Variants in BANK1 observed in about 807,000 individuals in gnomAD.
BANK1 encodes B-cell scaffold protein with ankyrin repeats.
In BANK1, 95 loss-of-function variants were observed where a neutral mutation model predicts 94.5. The ratio of observed to expected loss-of-function variants is 1.00; its 90% CI spans 0.85 to 1.19. The LOEUF (loss-of-function observed/expected upper bound fraction) is 1.19. Ranked by LOEUF, BANK1 falls within the 50% of genes most tolerant of loss-of-function variation. The pLI is 0.00. For missense variants in BANK1, 987 were observed against 932.2 expected (o/e 1.06, Z -0.77); for synonymous variants, 334 against 308.4 (o/e 1.08, Z -0.87).
At chr4:101,828,383 T>TTATATATATATATATATA (rs60877981) in intron 1 of BANK1, among the ~76,000 whole-genome samples, 63 of 142,160 alleles carry the variant, frequency 4.4e-4, no homozygotes, top group African/African-American at 1.6e-3. Flanking sequence ...ATGAGTGAAT[T>TTATATATATATATATATA]TATATATATA....
At chr4:101,999,862 A>C (rs1348830595) in intron 7 of BANK1, among the ~76,000 whole-genome samples, 1 of 152,232 alleles carries the variant, frequency 6.6e-6, no homozygotes, top group Non-Finnish European at 1.5e-5. Context: ...GCATGTACAA[A>C]GACCCAGAAG....
intron 2 of BANK1, among the ~76,000 whole-genome samples, chr4:101,850,990 G>A (rs1727453766): frequency 6.6e-6 from 1 of 152,010 alleles, no homozygotes; most frequent in Non-Finnish European, 1.5e-5. Context: ...AGCCTACAAT[G>A]GCCTCCAAGT....
intron 7 of BANK1, among the ~76,000 whole-genome samples, chr4:102,011,700 T>G (rs1380855516): frequency 2.0e-5 from 3 of 152,178 alleles, no homozygotes; most frequent in Non-Finnish European, 4.4e-5. Flanking sequence ...CAATATTGTT[T>G]CTTCTACCAG....
chr4:101,908,105 C>G (rs1421181367), intron 6 of BANK1, among the ~76,000 whole-genome samples: 1 of 152,194 alleles, frequency 6.6e-6, no homozygotes, highest in Non-Finnish European at 1.5e-5. Context: ...CAAGTCAATC[C>G]TAAACCAAAT....
chr4:101,921,692 G>T (rs546228391), intron 7 of BANK1, among the ~76,000 whole-genome samples: 2 of 151,890 alleles, frequency 1.3e-5, no homozygotes, highest in Admixed American at 6.6e-5. Flanking sequence ...TTGGAGACAG[G>T]TGTTCACTTA....
At chr4:102,025,637 C>G in intron 9 of BANK1, 128 bp downstream of exon 9, 1 of 855,298 alleles carries the variant, frequency 1.2e-6, no homozygotes, top group Non-Finnish European at 1.8e-6. Flanking sequence ...CAACATTCTT[C>G]CTATTCTTTA....
At chr4:102,013,538 T>C (rs1726580254) in intron 7 of BANK1, among the ~76,000 whole-genome samples, 1 of 152,106 alleles carries the variant, frequency 6.6e-6, no homozygotes, top group Non-Finnish European at 1.5e-5. Context: ...TCTATAGGAA[T>C]GGTGGCCCCA....
chr4:101,928,067 A>G (rs1723222594), intron 7 of BANK1, among the ~76,000 whole-genome samples: 1 of 151,682 alleles, frequency 6.6e-6, no homozygotes, highest in Non-Finnish European at 1.5e-5. Context: ...TTGTATGTGC[A>G]TATTTATGTA....
chr4:101,936,383 G>A lies in BANK1; in HGVS notation c.1206+18194G>A, dbSNP rs185843420. On this transcript the variant is annotated intron_variant, in intron 7 of 16. Coordinates refer to ENST00000322953, the MANE Select transcript of BANK1 (RefSeq NM_017935.5). ...TACATGCATATATGTGTGCATACAT[G>A]CATACATGCATGTATATATGTGCGT... Among the ~76,000 whole-genome samples, 162 of 149,638 alleles carry A rather than the reference G, an allele frequency of 1.1e-3. 1 individual carries two copies. Among genetic ancestry groups the A allele is most frequent in the African/African-American group, 3.9e-3 (160 of 40,970 alleles).
At chr4:101,829,786 A>G in intron 1 of BANK1, 22 bp from the exon 2 acceptor site, 3 of 1,452,306 alleles carry the variant, frequency 2.1e-6, no homozygotes, top group Non-Finnish European at 2.8e-6. Flanking sequence ...CAAATATAAG[A>G]AAATATTTTT....
intron 7 of BANK1, among the ~76,000 whole-genome samples, chr4:101,935,798 G>T (rs933513711): frequency 6.6e-6 from 1 of 151,412 alleles, no homozygotes; most frequent in Non-Finnish European, 1.5e-5. Context: ...AAGGTGCTAA[G>T]AATATACCTT....
intron 9 of BANK1, among the ~76,000 whole-genome samples, chr4:102,025,919 A>C (rs1296336295): frequency 6.6e-6 from 1 of 152,232 alleles, no homozygotes; most frequent in Non-Finnish European, 1.5e-5. Context: ...TGCTTTTAAA[A>C]CATACTCTCA....
At chr4:101,862,118 G>C (rs1188410384) in intron 3 of BANK1, among the ~76,000 whole-genome samples, 1 of 151,964 alleles carries the variant, frequency 6.6e-6, no homozygotes, top group African/African-American at 2.4e-5. Flanking sequence ...AAGGAACCAA[G>C]TTATATAAAG....
intron 7 of BANK1, among the ~76,000 whole-genome samples, chr4:102,002,553 A>G (rs1221844375): frequency 1.7e-5 from 2 of 120,024 alleles, no homozygotes; most frequent in African/African-American, 3.5e-5. Context: ...ATACACACAC[A>G]CACACACACA....
intron 1 of BANK1, among the ~76,000 whole-genome samples, chr4:101,821,648 G>A (rs1726153197): frequency 6.6e-6 from 1 of 151,966 alleles, no homozygotes; most frequent in African/African-American, 2.4e-5. Flanking sequence ...TTTGGTTTGG[G>A]TTTTTTTGTT....
intron 7 of BANK1, among the ~76,000 whole-genome samples, chr4:101,924,193 A>C (rs535091239): frequency 6.6e-6 from 1 of 151,952 alleles, no homozygotes; most frequent in Admixed American, 6.6e-5. Flanking sequence ...GCTATTCATC[A>C]GTAGAATGTT....
intron 13 of BANK1, among the ~76,000 whole-genome samples, chr4:102,069,649 T>C (rs1175140423): frequency 1.3e-5 from 2 of 152,212 alleles, no homozygotes; most frequent in African/African-American, 4.8e-5. Flanking sequence ...TTCACAAAAG[T>C]TCGTGGCAGT....
intron 7 of BANK1, among the ~76,000 whole-genome samples, chr4:101,952,272 T>A (rs1036019307): frequency 2.2e-4 from 33 of 152,048 alleles, no homozygotes; most frequent in Non-Finnish European, 4.4e-4. Flanking sequence ...TGGTTATATG[T>A]TTTTTCGCTT....
At chr4:101,816,218 C>T (rs1430781861) in intron 1 of BANK1, among the ~76,000 whole-genome samples, 1 of 152,172 alleles carries the variant, frequency 6.6e-6, no homozygotes, top group Admixed American at 6.5e-5. Flanking sequence ...AACTGAGAAA[C>T]ATGAGTTCAA....
Sources: allele counts gnomAD v4.1 joint callset (sites outside exome capture counted in the v4.1 genomes callset), GRCh38; gene constraint gnomAD v4.1.1; transcripts MANE v1.5; gene names NCBI Gene and HGNC (gene_info 2026-07-23, HGNC 2026-07-21).